The following ANKRD46 variants were observed in gnomAD, a reference collection of about 807,000 sequenced individuals.
The protein encoded by ANKRD46 is ankyrin repeat domain 46, also known as ankyrin repeat domain-containing protein 46.
ANKRD46 carries 13 observed loss-of-function variants against 19.8 expected under a neutral mutation model. That is an observed-to-expected ratio of 0.66 (90% CI 0.43 to 1.04). The LOEUF (loss-of-function observed/expected upper bound fraction) is 1.04, where lower values mean the gene tolerates loss of function less well. ANKRD46 is among the 50% of genes least tolerant of loss of function. ANKRD46 has a pLI of 0.00. For missense variants in ANKRD46, 185 were observed against 274.8 expected (o/e 0.67, Z 2.31); for synonymous variants, 91 against 106.9 (o/e 0.85, Z 0.92).
chr8:100,539,497 A>C (rs1177684601), intron 1 of ANKRD46, among the ~76,000 whole-genome samples: 1 of 152,220 alleles, frequency 6.6e-6, no homozygotes, highest in East Asian at 1.9e-4. Flanking sequence ...ACAGAAGTTC[A>C]AATTTTTAGC....
At chr8:100,513,236 C>T (rs1022984639) in intron 5 of ANKRD46, among the ~76,000 whole-genome samples, 1 of 152,122 alleles carries the variant, frequency 6.6e-6, no homozygotes, top group Non-Finnish European at 1.5e-5. Flanking sequence ...CAAAGAAGCA[C>T]CATGGACGGC....
chr8:100,513,101 C>G (rs1468187025), intron 5 of ANKRD46, among the ~76,000 whole-genome samples: 1 of 152,166 alleles, frequency 6.6e-6, no homozygotes, highest in East Asian at 1.9e-4. Context: ...CTCAACATAT[C>G]AGAAATTTTG....
chr8:100,519,249 C>T (rs375119625), downstream of ANKRD46, among the ~76,000 whole-genome samples: 13 of 152,266 alleles, frequency 8.5e-5, no homozygotes, highest in East Asian at 9.6e-4. Flanking sequence ...ATCATGTCAG[C>T]CAATGAAACA....
chr8:100,528,001 TTGC>T lies in ANKRD46; in HGVS notation c.312-1_313del. 7.0e-7 allele frequency: 1 copy of T among 1,425,328 alleles called. No homozygotes were observed. Among genetic ancestry groups the T allele is most frequent in the Non-Finnish European group, 9.1e-7 (1 of 1,093,116 alleles). The allele number at this position is 1,425,328 out of a possible 1,614,324, so 88.3% of individuals were successfully genotyped here. On this transcript the variant is annotated splice_acceptor_variant and coding_sequence_variant, in exon 4 of 5. Transcript: ENST00000335659. LOFTEE classifies it high-confidence loss of function. The stretch of plus-strand genomic sequence containing the variant: ...AACTAAAGGGGTAGCACCTTGATGA[TTGC>T]TAAAAAAAAAAAAAAAAAAAAAAGT...
downstream of ANKRD46, among the ~76,000 whole-genome samples, chr8:100,520,056 C>T (rs1374970983): frequency 6.6e-6 from 1 of 151,936 alleles, no homozygotes; most frequent in Non-Finnish European, 1.5e-5. Flanking sequence ...TACAGAGAAA[C>T]GGATCAAGGA....
At position 100,510,098 on chromosome 8, in the gene ANKRD46, G is replaced by GT. The variant is rs1811526747; in HGVS notation, c.*478dup. The GT allele has an allele frequency of 6.5e-6, 1 of 153,518 alleles. No homozygotes were observed. The allele number at this position is 153,518 out of a possible 1,614,324, so 9.5% of individuals were successfully genotyped here. A position where few individuals can be genotyped will look rare whatever the true frequency, so the allele number is the denominator to read the frequency against. On this transcript the variant is annotated 3_prime_UTR_variant, in exon 6 of 6. Coordinates refer to the ANKRD46 transcript ENST00000520552. This position sits in a 1 kb window ranked among gnomAD's most constrained non-coding sequence, Gnocchi z 4.9. ...AAAGTGCTTTCCTCAGCTGCAAACT[G>GT]TATTTATGGCTTCTCGGAATTTTCC... is the stretch of plus-strand genomic sequence containing the variant.
intron 5 of ANKRD46, among the ~76,000 whole-genome samples, chr8:100,515,603 A>G (rs958171289): frequency 2.9e-5 from 4 of 136,116 alleles, no homozygotes; most frequent in African/African-American, 1.1e-4. Context: ...ATCTTTAGGT[A>G]TTTCACACCA....
downstream of ANKRD46, among the ~76,000 whole-genome samples, chr8:100,519,188 T>A (rs1811682520): frequency 6.6e-6 from 1 of 152,216 alleles, no homozygotes; most frequent in Non-Finnish European, 1.5e-5. Flanking sequence ...AATCCAGGCC[T>A]AAGTCAACCT....
downstream of ANKRD46, among the ~76,000 whole-genome samples, chr8:100,518,730 T>C (rs1385395711): frequency 6.6e-6 from 1 of 151,826 alleles, no homozygotes; most frequent in Non-Finnish European, 1.5e-5. Flanking sequence ...CACGCCCCTG[T>C]AATCCCAGCT....
intron 1 of ANKRD46, chr8:100,551,347 G>A: frequency 1.7e-6 from 1 of 575,010 alleles, no homozygotes; most frequent in South Asian, 1.5e-5. Flanking sequence ...TCAGCAGAGG[G>A]GGTAGAGATG....
chr8:100,559,479 G>A lies in ANKRD46; in HGVS notation c.-131+232C>T, dbSNP rs1812570281. 1 of 152,420 alleles carries A rather than the reference G, an allele frequency of 6.6e-6. No individual in the cohort carries two copies. The highest frequency in any genetic ancestry group is 1.9e-4 in the East Asian group (1 of 5,186). The allele number at this position is 152,420 out of a possible 1,614,324, so 9.4% of individuals were successfully genotyped here. ...GCAAGCGCAAACGAGAACCCTCGCAGGCCTCTGCCCGGCCCTCGTGAACAC... is the reference window on the plus strand; with the variant it reads ...GCAAGCGCAAACGAGAACCCTCGCAAGCCTCTGCCCGGCCCTCGTGAACAC... On this transcript the variant is annotated intron_variant, in intron 1 of 4. Coordinates refer to ENST00000335659, the MANE Select transcript of ANKRD46 (RefSeq NM_001270377.2). This position sits in a 1 kb window ranked among gnomAD's most constrained non-coding sequence, Gnocchi z 6.0.
chr8:100,544,663 G>C lies in ANKRD46; in HGVS notation c.-130-11352C>G, dbSNP rs1167300087. Among the ~76,000 whole-genome samples, 2 of 152,162 alleles carry C rather than the reference G, an allele frequency of 1.3e-5. No homozygotes were observed. The highest frequency in any genetic ancestry group is 2.4e-5 in the African/African-American group (1 of 41,440). On this transcript the variant is annotated intron_variant, in intron 1 of 4. Coordinates refer to ENST00000335659, the MANE Select transcript of ANKRD46 (RefSeq NM_001270377.2). This position sits in a 1 kb window ranked among gnomAD's most constrained non-coding sequence, Gnocchi z 4.4. ...ATTTTCTAAGGCACTATCTTGAGTA[G>C]TCCAACTCTAAGAGTCCCAGTTTCC...
intron 1 of ANKRD46, among the ~76,000 whole-genome samples, chr8:100,548,671 G>A (rs1388103559): frequency 6.6e-6 from 1 of 152,114 alleles, no homozygotes; most frequent in Admixed American, 6.5e-5. Flanking sequence ...CGTAAAGTAT[G>A]CATTCAAACA....
At chr8:100,548,199 A>C (rs541853288) in intron 1 of ANKRD46, among the ~76,000 whole-genome samples, 3 of 152,300 alleles carry the variant, frequency 2.0e-5, no homozygotes, top group African/African-American at 7.2e-5. Flanking sequence ...TATTTAAAAC[A>C]ACAGCCAAAA....
At chr8:100,554,156 T>A (rs1362941170) in intron 1 of ANKRD46, among the ~76,000 whole-genome samples, 3 of 152,208 alleles carry the variant, frequency 2.0e-5, no homozygotes, top group Non-Finnish European at 4.4e-5. Flanking sequence ...AATTGGTGTA[T>A]ATCTCCTGCT....
Position 100,527,798 on chromosome 8 carries a change from A to C in ANKRD46, c.470+47T>G. The C allele has an allele frequency of 1.9e-6, 3 of 1,549,262 alleles. No homozygotes were observed. The highest frequency in any genetic ancestry group is 2.6e-6 in the Non-Finnish European group (3 of 1,146,164). Reference sequence around the variant, plus strand: ...GAAGAATGCTTGAGCCCAGGAGTTCAAGGAATGAGTAATACAGTGAGAAAA... The same window carrying C: ...GAAGAATGCTTGAGCCCAGGAGTTCCAGGAATGAGTAATACAGTGAGAAAA... On this transcript the variant is annotated intron_variant, in intron 4 of 4. Coordinates refer to ENST00000335659, the MANE Select transcript of ANKRD46 (RefSeq NM_001270377.2). This position sits in a 1 kb window ranked among gnomAD's most constrained non-coding sequence, Gnocchi z 4.0.
intron 1 of ANKRD46, among the ~76,000 whole-genome samples, chr8:100,548,009 G>A (rs1275911684): frequency 6.6e-6 from 1 of 151,856 alleles, no homozygotes; most frequent in African/African-American, 2.4e-5. Context: ...TCACTTCCAA[G>A]CTAAAAGTAT....
downstream of ANKRD46, among the ~76,000 whole-genome samples, chr8:100,516,295 C>CT (rs559362445): frequency 3.7e-4 from 56 of 152,184 alleles, no homozygotes; most frequent in South Asian, 0.012. Context: ...AACATAAATC[C>CT]TTTTTTGGAA....
At chr8:100,517,965 C>T (rs1811661670), downstream of ANKRD46, among the ~76,000 whole-genome samples, 1 of 152,012 alleles carries the variant, frequency 6.6e-6, no homozygotes. Flanking sequence ...CCGAGGCAGG[C>T]AGATCACTTG....
Sources: gnomAD v4.1 joint callset for allele counts (sites outside exome capture counted in the v4.1 genomes callset) on GRCh38, gnomAD v4.1.1 for gene constraint, Gnocchi (gnomAD v3.1) non-coding constraint, MANE v1.5 for transcripts, NCBI Gene and HGNC (gene_info 2026-07-23, HGNC 2026-07-21) for gene names.